Variants in UNC13C observed in about 807,000 individuals in gnomAD.
UNC13C encodes unc-13 homolog C.
Under a neutral mutation model 245.4 loss-of-function variants are expected in UNC13C, and 174 were observed. That is an observed-to-expected ratio of 0.71 (90% CI 0.63 to 0.80). The LOEUF (loss-of-function observed/expected upper bound fraction) is 0.80. UNC13C is among the 30% of genes least tolerant of loss of function. The pLI is 0.00. For missense variants in UNC13C, 2,829 were observed against 2,602.9 expected (o/e 1.09, Z -1.89); for synonymous variants, 992 against 895.1 (o/e 1.11, Z -1.93).
chr15:54,029,632 A>T (rs776411425), intron 2 of UNC13C, among the ~76,000 whole-genome samples: 1 of 152,234 alleles, frequency 6.6e-6, no homozygotes, highest in Non-Finnish European at 1.5e-5. Context: ...TTACCTATTC[A>T]TTATTATTAG....
intron 3 of UNC13C, 86 bp downstream of exon 3, chr15:54,143,126 C>T: frequency 2.3e-6 from 3 of 1,311,978 alleles, no homozygotes; most frequent in East Asian, 2.3e-5. Context: ...TGTTTGATTC[C>T]TCTGTTTTAG....
chr15:54,355,450 G>A (rs934979596), intron 17 of UNC13C, among the ~76,000 whole-genome samples: 37 of 151,778 alleles, frequency 2.4e-4, no homozygotes, highest in African/African-American at 4.6e-4. Flanking sequence ...TCTGCCTCCC[G>A]GGTGCAAGCT....
the UNC13C span, among the ~76,000 whole-genome samples, chr15:53,849,024 A>C: frequency 6.6e-6 from 1 of 151,844 alleles, no homozygotes; most frequent in Non-Finnish European, 1.5e-5. Context: ...TTTTATATTT[A>C]AAGTGAATTT....
intron 19 of UNC13C, among the ~76,000 whole-genome samples, chr15:54,477,842 G>T (rs897971958): frequency 2.1e-4 from 32 of 149,096 alleles, no homozygotes; most frequent in African/African-American, 7.2e-4. Context: ...TTAAGGAGGA[G>T]TCCCTCTTTT....
intron 2 of UNC13C, among the ~76,000 whole-genome samples, chr15:54,088,102 A>G (rs1375490196): frequency 6.6e-6 from 1 of 151,548 alleles, no homozygotes; most frequent in Admixed American, 6.6e-5. Flanking sequence ...TAAAATTCCT[A>G]TTAAAATTGC....
At chr15:54,035,928 T>A (rs986263229) in intron 2 of UNC13C, among the ~76,000 whole-genome samples, 5 of 152,126 alleles carry the variant, frequency 3.3e-5, no homozygotes, top group African/African-American at 1.2e-4. Flanking sequence ...GATATGGTCA[T>A]ACATTTCTGT....
rs926994360 is a variant in UNC13C at position 54,191,510 on chromosome 15, T to C, written c.3072-43520T>C. Among the ~76,000 whole-genome samples, 7 of 152,196 alleles carry C rather than the reference T, an allele frequency of 4.6e-5. 1 individual carries two copies. The highest frequency in any genetic ancestry group is 1.0e-4 in the Non-Finnish European group (7 of 68,032). ...ATTGTGAACAGTGCTGCAATAAACATACGTGTGCATGAGTCTTTATCATAG... is the reference window on the plus strand; with the variant it reads ...ATTGTGAACAGTGCTGCAATAAACACACGTGTGCATGAGTCTTTATCATAG... On this transcript the variant is annotated intron_variant, in intron 4 of 32. Transcript: ENST00000260323.
intron 2 of UNC13C, among the ~76,000 whole-genome samples, chr15:54,103,491 T>C (rs1057109196): frequency 7.9e-5 from 12 of 152,218 alleles, no homozygotes; most frequent in African/African-American, 2.9e-4. Context: ...AAATTAACTT[T>C]TCTGAAAACA....
intron 10 of UNC13C, among the ~76,000 whole-genome samples, chr15:54,267,667 C>A (rs2036581048): frequency 6.6e-6 from 1 of 151,630 alleles, no homozygotes; most frequent in Admixed American, 6.6e-5. Flanking sequence ...TAACATATCT[C>A]CCCTACTCCT....
chr15:53,870,378 A>G, the UNC13C span, among the ~76,000 whole-genome samples: 1 of 151,946 alleles, frequency 6.6e-6, no homozygotes. Context: ...TCTCTGTACT[A>G]AAAGGCACAA....
At chr15:53,995,333 C>T (rs1433804800) in intron 1 of UNC13C, among the ~76,000 whole-genome samples, 4 of 151,944 alleles carry the variant, frequency 2.6e-5, no homozygotes, top group African/African-American at 9.7e-5. Flanking sequence ...TATCTTACTA[C>T]CCTTCAGATA....
intron 30 of UNC13C, among the ~76,000 whole-genome samples, chr15:54,608,195 G>A (rs977673995): frequency 9.2e-5 from 14 of 152,012 alleles, no homozygotes; most frequent in Non-Finnish European, 1.5e-5. Context: ...TAAAACTAAT[G>A]TAACAGAAAT....
chr15:54,604,913 A>C (rs1262984387), intron 30 of UNC13C, among the ~76,000 whole-genome samples: 2 of 151,576 alleles, frequency 1.3e-5, no homozygotes, highest in East Asian at 3.9e-4. Context: ...TACCTAATTA[A>C]CAAATCTGCA....
chr15:54,226,869 C>A lies in UNC13C; in HGVS notation c.3072-8161C>A, dbSNP rs148923926. On this transcript the variant is annotated intron_variant, in intron 4 of 32. Coordinates refer to ENST00000260323, the MANE Select transcript of UNC13C (RefSeq NM_001080534.3). The stretch of plus-strand genomic sequence containing the variant: ...TGGAGACATCAGAAACTGCAGAACT[C>A]CTTAAAGTGTGTCAGACCCCTGGCT... 7.3e-3 allele frequency among the ~76,000 whole-genome samples: 1,107 copies of A among 152,234 alleles called. 15 individuals carry two copies. The highest frequency in any genetic ancestry group is 0.025 in the African/African-American group (1,057 of 41,550).
chr15:54,008,466 G>C (rs990821996), intron 1 of UNC13C, among the ~76,000 whole-genome samples: 1 of 152,096 alleles, frequency 6.6e-6, no homozygotes, highest in Non-Finnish European at 1.5e-5. Context: ...TCCTATAACC[G>C]CATAGTCTAT....
At chr15:54,393,010 A>T in intron 17 of UNC13C, 38 bp from the exon 18 acceptor site, 1 of 1,527,142 alleles carries the variant, frequency 6.5e-7, no homozygotes, top group Non-Finnish European at 8.8e-7. Context: ...CATCCCATTT[A>T]ACCTTTTCTT....
the UNC13C span, among the ~76,000 whole-genome samples, chr15:53,895,079 C>T: frequency 2.2e-4 from 33 of 151,716 alleles, no homozygotes; most frequent in African/African-American, 7.5e-4. Flanking sequence ...AATTTTTTGT[C>T]GAGGCTGGGC....
At chr15:53,851,814 G>A in the UNC13C span, among the ~76,000 whole-genome samples, 568 of 152,330 alleles carry the variant, frequency 3.7e-3, 5 homozygotes, top group African/African-American at 0.013. Context: ...GAGTTTGAGA[G>A]CTTCAGGACA....
chr15:54,542,430 A>G (rs1396750757), intron 26 of UNC13C, among the ~76,000 whole-genome samples: 1 of 152,078 alleles, frequency 6.6e-6, no homozygotes, highest in Non-Finnish European at 1.5e-5. Context: ...TATGTGGTCA[A>G]TTTTAGAATA....
Sources: gnomAD v4.1 joint callset for allele counts (sites outside exome capture counted in the v4.1 genomes callset) on GRCh38, gnomAD v4.1.1 for gene constraint, MANE v1.5 for transcripts, NCBI Gene and HGNC (gene_info 2026-07-23, HGNC 2026-07-21) for gene names.